The following PKN2 variants were observed in gnomAD, a reference collection of about 807,000 sequenced individuals.
PKN2 encodes protein kinase N2.
PKN2 carries 38 observed loss-of-function variants against 119.1 expected under a neutral mutation model. The observed-to-expected ratio is 0.32, with a 90% CI of 0.25 to 0.42. The LOEUF (loss-of-function observed/expected upper bound fraction) is 0.42, where lower values mean the gene tolerates loss of function less well. Ranked by LOEUF, PKN2 falls within the 10% of genes least tolerant of loss-of-function variation. PKN2 has a pLI of 1.00. For missense variants in PKN2, 850 were observed against 1,165.1 expected (o/e 0.73, Z 3.94); for synonymous variants, 390 against 384.9 (o/e 1.01, Z -0.15).
At position 88,800,968 on chromosome 1, in the gene PKN2, C is replaced by T. The variant is rs138614963; in HGVS notation, c.1282-3423C>T. On this transcript the variant is annotated intron_variant, in intron 8 of 21. Coordinates refer to ENST00000370521, the MANE Select transcript of PKN2 (RefSeq NM_006256.4). ...GCTTTTTTTGGTGGTAGTTTTACTC[C>T]GTCTAGAATATCGTTGCTCCTAGAG... 2.4e-3 allele frequency among the ~76,000 whole-genome samples: 359 copies of T among 152,202 alleles called. 2 individuals carry two copies. Among genetic ancestry groups the T allele is most frequent in the African/African-American group, 8.3e-3 (343 of 41,534 alleles).
intron 1 of PKN2, among the ~76,000 whole-genome samples, chr1:88,728,016 CTTT>C (rs34460979): frequency 1.5e-5 from 2 of 130,782 alleles, no homozygotes; most frequent in Non-Finnish European, 3.2e-5. Context: ...TTTCTTGGGG[CTTT>C]TTTTTTTTTT....
rs773956978 is a variant in PKN2, at chr1:88,687,263, CAAGG to C, written c.48+2639_48+2642del. Reference sequence around the variant, plus strand: ...TTAGTAATTCAGGAGGCTTATTCAACAAGGAAGCATTAATAAACTATGTAAACTT... The same window carrying C: ...TTAGTAATTCAGGAGGCTTATTCAACAAGCATTAATAAACTATGTAAACTT... On this transcript the variant is annotated intron_variant, in intron 1 of 21. Transcript: ENST00000370521. 2.3e-4 allele frequency among the ~76,000 whole-genome samples: 35 copies of C among 152,176 alleles called. 1 individual carries two copies. In the Middle Eastern group the frequency reaches 0.01, roughly 44 times the overall value.
rs186297009 is a variant in PKN2 at position 88,718,293 on chromosome 1, A to G, written c.49-22695A>G. Among the ~76,000 whole-genome samples, 19 of 152,330 alleles carry G rather than the reference A, an allele frequency of 1.2e-4. No individual in the cohort carries two copies. The East Asian group carries it at 3.7e-3, about 29-fold the overall frequency. ...GGGTCAGGGACCCACTTGAGGAGGC[A>G]GTCTGTCCGTTCTCAGATCTCAAAC... On this transcript the variant is annotated intron_variant, in intron 1 of 21. Coordinates refer to ENST00000370521, the MANE Select transcript of PKN2 (RefSeq NM_006256.4).
chr1:88,801,402 T>TA (rs1671303371), intron 8 of PKN2, among the ~76,000 whole-genome samples: 2 of 151,992 alleles, frequency 1.3e-5, no homozygotes, highest in Admixed American at 6.6e-5. Context: ...CAAAAAATAA[T>TA]AAAAAATAAA....
At chr1:88,749,380 G>A (rs747012143) in intron 2 of PKN2, among the ~76,000 whole-genome samples, 13 of 149,696 alleles carry the variant, frequency 8.7e-5, no homozygotes, top group East Asian at 1.9e-4. Flanking sequence ...ACTCCAGCCC[G>A]GCGACAGTGC....
intron 2 of PKN2, among the ~76,000 whole-genome samples, chr1:88,745,811 C>G (rs1057286344): frequency 1.3e-5 from 2 of 152,132 alleles, no homozygotes. Flanking sequence ...AGAAGCATCA[C>G]ACTACCAAAT....
chr1:88,758,619 A>G lies in PKN2; in HGVS notation c.350-1603A>G, dbSNP rs575503282. 3.9e-5 allele frequency among the ~76,000 whole-genome samples: 6 copies of G among 152,264 alleles called. No homozygotes were observed. The South Asian group carries it at 1.2e-3, about 32-fold the overall frequency. Reference sequence around the variant, plus strand: ...ATCATTTAGCTCCCACTTATAAGAAAGAACATGTGGTATTTGGTTTTGTGT... The same window carrying G: ...ATCATTTAGCTCCCACTTATAAGAAGGAACATGTGGTATTTGGTTTTGTGT... On this transcript the variant is annotated intron_variant, in intron 2 of 21. Coordinates refer to ENST00000370521, the MANE Select transcript of PKN2 (RefSeq NM_006256.4).
chr1:88,686,758 CTT>C (rs1283790167), intron 1 of PKN2, among the ~76,000 whole-genome samples: 2 of 152,056 alleles, frequency 1.3e-5, no homozygotes, highest in African/African-American at 4.8e-5. Flanking sequence ...TCTATTCAGA[CTT>C]TTTATTTCAT....
chr1:88,800,364 G>A (rs1162517355), intron 8 of PKN2, among the ~76,000 whole-genome samples: 3 of 152,168 alleles, frequency 2.0e-5, no homozygotes, highest in Non-Finnish European at 4.4e-5. Context: ...ATTAACTAAT[G>A]GGACATGTCT....
At chr1:88,726,126 C>A (rs1667888640) in intron 1 of PKN2, among the ~76,000 whole-genome samples, 1 of 152,090 alleles carries the variant, frequency 6.6e-6, no homozygotes, top group Admixed American at 6.5e-5. Flanking sequence ...ATATACATGA[C>A]CCTGTTATCT....
At chr1:88,756,375 A>AT (rs1270131632) in intron 2 of PKN2, among the ~76,000 whole-genome samples, 5 of 152,098 alleles carry the variant, frequency 3.3e-5, no homozygotes, top group Non-Finnish European at 5.9e-5. Flanking sequence ...TTGCGACAAA[A>AT]TTTTTGCCCT....
intron 7 of PKN2, among the ~76,000 whole-genome samples, chr1:88,785,554 G>A (rs527522480): frequency 6.6e-6 from 1 of 152,268 alleles, no homozygotes; most frequent in African/African-American, 2.4e-5. Flanking sequence ...GTAGGGGTTG[G>A]TTTGAGGAGA....
chr1:88,833,346 C>T lies in PKN2; in HGVS notation c.2853C>T (p.Thr951=), dbSNP rs193170277. The change falls in exon 22 of 22, where the codon ACC becomes ACT. Residue 951 remains threonine (T), a synonymous_variant. Transcript: ENST00000370521. ...TTAGTAATTTTGATGATGAATTTAC[C>T]TCAGAAGCACCTATTCTGACTCCAC... is the stretch of plus-strand genomic sequence containing the variant. The part of the protein sequence containing the change: ...EDVSNFDDEF[T]SEAPILTPPR... 17 of 1,613,078 alleles carry T rather than the reference C, an allele frequency of 1.1e-5. No individual in the cohort carries two copies. The African/African-American group carries it at 1.7e-4, about 16-fold the overall frequency.
chr1:88,729,205 CT>C (rs200861596), intron 1 of PKN2, among the ~76,000 whole-genome samples: 2,837 of 152,242 alleles, frequency 0.019, 47 homozygotes, highest in South Asian at 0.041. Context: ...ACATTTCCGT[CT>C]TTTAAATTAA....
chr1:88,693,912 G>T (rs1015079748), intron 1 of PKN2, among the ~76,000 whole-genome samples: 5 of 152,140 alleles, frequency 3.3e-5, no homozygotes, highest in Non-Finnish European at 7.4e-5. Context: ...TTGCTCCTAA[G>T]AATCTTGCAG....
chr1:88,724,391 A>C (rs1184902727), intron 1 of PKN2, among the ~76,000 whole-genome samples: 1 of 152,004 alleles, frequency 6.6e-6, no homozygotes, highest in Non-Finnish European at 1.5e-5. Context: ...TGTATTTTGA[A>C]TTCTTGGTGC....
chr1:88,759,552 T>TCAACAAGGAAA (rs1669355515), intron 2 of PKN2, among the ~76,000 whole-genome samples: 1 of 152,194 alleles, frequency 6.6e-6, no homozygotes, highest in African/African-American at 2.4e-5. Flanking sequence ...GTTAAGTTCA[T>TCAACAAGGAAA]CATGGATGCT....
chr1:88,685,418 A>G (rs779027195), intron 1 of PKN2, among the ~76,000 whole-genome samples: 1 of 152,184 alleles, frequency 6.6e-6, no homozygotes, highest in Non-Finnish European at 1.5e-5. Flanking sequence ...AAAGCAGTCG[A>G]CTAAGGGAAA....
intron 1 of PKN2, among the ~76,000 whole-genome samples, chr1:88,709,718 A>G (rs1667147503): frequency 6.6e-6 from 1 of 152,194 alleles, no homozygotes; most frequent in South Asian, 2.1e-4. Flanking sequence ...AAAGAACAGC[A>G]TACATGTTAT....
Sources: allele counts gnomAD v4.1 joint callset (sites outside exome capture counted in the v4.1 genomes callset), GRCh38; gene constraint gnomAD v4.1.1; transcripts MANE v1.5; gene names NCBI Gene and HGNC (gene_info 2026-07-23, HGNC 2026-07-21).